The following RASA1 variants were observed in gnomAD, a reference collection of about 807,000 sequenced individuals.
The protein encoded by RASA1 is ras GTPase-activating protein 1.
In RASA1, 25 loss-of-function variants were observed where a neutral mutation model predicts 132.2. The observed-to-expected ratio is 0.19, with a 90% CI of 0.14 to 0.26. The LOEUF (loss-of-function observed/expected upper bound fraction) is 0.26. RASA1 is among the 10% of genes least tolerant of loss of function. The pLI is 1.00. For synonymous variants in RASA1, 477 were observed against 449.9 expected (o/e 1.06, Z -0.76); for missense variants, 964 against 1,299.2 (o/e 0.74, Z 3.97).
At chr5:87,368,502 G>A (rs1411878784) in intron 11 of RASA1, among the ~76,000 whole-genome samples, 1 of 152,084 alleles carries the variant, frequency 6.6e-6, no homozygotes, top group Non-Finnish European at 1.5e-5. Context: ...GGTAGACATT[G>A]TACATGAAAA....
chr5:87,386,811 C>G lies in RASA1; in HGVS notation c.2848-15C>G. 1 of 1,607,652 alleles carries G rather than the reference C, an allele frequency of 6.2e-7. No individual in the cohort carries two copies. Among genetic ancestry groups the G allele is most frequent in the Non-Finnish European group, 8.5e-7 (1 of 1,174,642 alleles). Reference sequence around the variant, plus strand: ...TTGTTTCTGGTGCATATAACAGAAGCATTTTATTTTTCAGGAGCCCTACAT... The same window carrying G: ...TTGTTTCTGGTGCATATAACAGAAGGATTTTATTTTTCAGGAGCCCTACAT... On this transcript the variant is annotated splice_polypyrimidine_tract_variant and intron_variant, in intron 22 of 24. Coordinates refer to ENST00000274376, the MANE Select transcript of RASA1 (RefSeq NM_002890.3).
intron 1 of RASA1, among the ~76,000 whole-genome samples, chr5:87,287,120 A>G (rs1462943731): frequency 6.8e-6 from 1 of 147,894 alleles, no homozygotes; most frequent in Non-Finnish European, 1.5e-5. Context: ...CACACCATAT[A>G]TATACACACC....
At chr5:87,390,371 G>C (rs1762412139) in intron 24 of RASA1, among the ~76,000 whole-genome samples, 1 of 152,056 alleles carries the variant, frequency 6.6e-6, no homozygotes, top group African/African-American at 2.4e-5. Context: ...TGAGTTTGGT[G>C]ACTGAGTTCT....
chr5:87,367,317 TTTTC>T lies in RASA1; in HGVS notation c.1611-2492_1611-2489del, dbSNP rs1351899396. 8.4e-4 allele frequency among the ~76,000 whole-genome samples: 128 copies of T among 152,284 alleles called. 1 individual carries two copies. The highest frequency in any genetic ancestry group is 2.8e-3 in the African/African-American group (116 of 41,574). ...AAATTATAAATGAATGTTAATATCT[TTTTC>T]TTTATTATCAAATTAATGCCAGGCA... is the stretch of plus-strand genomic sequence containing the variant. On this transcript the variant is annotated intron_variant, in intron 11 of 24. Transcript: ENST00000274376.
intron 1 of RASA1, among the ~76,000 whole-genome samples, chr5:87,287,319 T>TACACCATATATAC (rs1255895867): frequency 1.4e-5 from 2 of 145,998 alleles, no homozygotes; most frequent in African/African-American, 5.0e-5. Flanking sequence ...ACCATATATA[T>TACACCATATATAC]ACACCATATA....
At chr5:87,301,810 A>G (rs1239286089) in intron 1 of RASA1, among the ~76,000 whole-genome samples, 2 of 151,782 alleles carry the variant, frequency 1.3e-5, no homozygotes, top group Non-Finnish European at 2.9e-5. Context: ...AACCTTTACT[A>G]TCTATTCTTT....
At chr5:87,372,981 G>A (rs929024515) in intron 13 of RASA1, among the ~76,000 whole-genome samples, 1 of 152,110 alleles carries the variant, frequency 6.6e-6, no homozygotes, top group Non-Finnish European at 1.5e-5. Flanking sequence ...GGAAATTTAA[G>A]TATACACACA....
intron 11 of RASA1, chr5:87,366,241 C>A: frequency 4.4e-6 from 1 of 224,990 alleles, no homozygotes; most frequent in African/African-American, 2.2e-5. Flanking sequence ...ACTAATGATA[C>A]TTACAACTGC....
chr5:87,289,038 G>A (rs1472148512), intron 1 of RASA1, among the ~76,000 whole-genome samples: 1 of 151,682 alleles, frequency 6.6e-6, no homozygotes, highest in African/African-American at 2.4e-5. Flanking sequence ...ATATTTGTCT[G>A]TTTTAATGAA....
At chr5:87,389,659 A>G in intron 24 of RASA1, 132 bp downstream of exon 24, 1 of 1,217,478 alleles carries the variant, frequency 8.2e-7, no homozygotes, top group South Asian at 1.3e-5. Context: ...TCATATTACA[A>G]AAGATCTCAG....
intron 1 of RASA1, among the ~76,000 whole-genome samples, chr5:87,274,996 G>C (rs946806821): frequency 4.6e-5 from 7 of 152,154 alleles, no homozygotes; most frequent in African/African-American, 1.7e-4. Context: ...GCTAGAATCG[G>C]TATGGATCAT....
chr5:87,293,801 A>G (rs561062964), intron 1 of RASA1, among the ~76,000 whole-genome samples: 5 of 152,114 alleles, frequency 3.3e-5, no homozygotes, highest in African/African-American at 1.2e-4. Context: ...TTGGCAGATT[A>G]TGTTTTTTAA....
At chr5:87,322,165 G>C (rs1756869310) in intron 1 of RASA1, among the ~76,000 whole-genome samples, 1 of 152,070 alleles carries the variant, frequency 6.6e-6, no homozygotes, top group African/African-American at 2.4e-5. Context: ...GTTTAAAGCA[G>C]GGGTCCTCAA....
chr5:87,389,972 T>C (rs1762371676), intron 24 of RASA1, among the ~76,000 whole-genome samples: 1 of 152,194 alleles, frequency 6.6e-6, no homozygotes, highest in South Asian at 2.1e-4. Context: ...GGTTCTGAAG[T>C]GTGGCCTTGA....
rs147065673 is a variant in RASA1 at position 87,301,703 on chromosome 5, G to A, written c.540-29645G>A. Among the ~76,000 whole-genome samples, 654 of 152,166 alleles carry A rather than the reference G, an allele frequency of 4.3e-3. 6 individuals are homozygous for A. The highest frequency in any genetic ancestry group is 8.1e-3 in the East Asian group (42 of 5,174). On this transcript the variant is annotated intron_variant, in intron 1 of 24. Transcript: ENST00000274376. ...TTGAGCATCCTTAATCTGAAATCCAGATATTCCAATGAGCATTTCCTTTGT... is the reference window on the plus strand; with the variant it reads ...TTGAGCATCCTTAATCTGAAATCCAAATATTCCAATGAGCATTTCCTTTGT...
Position 87,341,271 on chromosome 5 carries a change from CTT to C in RASA1, c.1018-18_1018-17del. On this transcript the variant is annotated splice_polypyrimidine_tract_variant and intron_variant, in intron 5 of 24. Transcript: ENST00000274376. The stretch of plus-strand genomic sequence containing the variant: ...AATAGTTAATTATATAAAATACTGT[CTT>C]AATGTCTTCCCTTTAGGGCCGGGAA... 7.7e-7 allele frequency: 1 copy of C among 1,302,438 alleles called. No individual in the cohort carries two copies. The allele number at this position is 1,302,438 out of a possible 1,614,324, so 80.7% of individuals were successfully genotyped here. A position where few individuals can be genotyped will look rare whatever the true frequency, so the allele number is the denominator to read the frequency against.
Position 87,383,759 on chromosome 5 carries a change from C to T in RASA1, c.2737C>T (p.Arg913Trp). 1.2e-6 allele frequency: 2 copies of T among 1,611,068 alleles called. No homozygotes were observed. The highest frequency in any genetic ancestry group is 1.7e-6 in the Non-Finnish European group (2 of 1,178,584). Reference protein sequence around the residue: ...RLICPAILNPRMFNIISDSPS... With the variant: ...RLICPAILNPWMFNIISDSPS... ...CATCTGTCCTGCCATCCTGAATCCA[C>T]GGATGTTCAATATCATCTCAGGTAA... Residue 913 changes from arginine (R) to tryptophan (W), a missense_variant, in exon 21 of 25, where the codon CGG (arginine) becomes TGG (tryptophan). Physicochemically the swap from Arg to Trp is moderately radical, Grantham distance 101. Coordinates refer to ENST00000274376, the MANE Select transcript of RASA1 (RefSeq NM_002890.3).
chr5:87,383,278 T>C (rs1469885449), intron 20 of RASA1, among the ~76,000 whole-genome samples: 1 of 152,148 alleles, frequency 6.6e-6, no homozygotes, highest in Admixed American at 6.6e-5. Context: ...TGAGGGTGTG[T>C]GAAGTTCTAA....
intron 1 of RASA1, among the ~76,000 whole-genome samples, chr5:87,306,370 G>C (rs1755611887): frequency 6.6e-6 from 1 of 152,154 alleles, no homozygotes; most frequent in Non-Finnish European, 1.5e-5. Context: ...TGCAGGAAGA[G>C]AAAAGTCAAA....
Sources: allele counts gnomAD v4.1 joint callset (sites outside exome capture counted in the v4.1 genomes callset), GRCh38; gene constraint gnomAD v4.1.1; transcripts MANE v1.5; gene names NCBI Gene and HGNC (gene_info 2026-07-23, HGNC 2026-07-21).